APOA2: variants seen among roughly 807,000 people sequenced by gnomAD.
APOA2 encodes the protein apolipoprotein A2.
APOA2 carries 3 observed loss-of-function variants against 7.4 expected under a neutral mutation model. That is an observed-to-expected ratio of 0.41 (90% CI 0.18 to 1.05). The LOEUF is 1.05. Among genes scored for constraint, APOA2 ranks in the 50% least tolerant of loss-of-function variants. The probability of loss-of-function intolerance (pLI) is 0.33; values close to 1 mark genes in which losing one functional copy is unlikely to be tolerated. For missense variants in APOA2, 90 were observed against 116.3 expected (o/e 0.77, Z 1.04); for synonymous variants, 42 against 47.8 (o/e 0.88, Z 0.50).
intron 1 of APOA2, 76 bp downstream of exon 1, chr1:161,223,519 C>T (rs753018591): frequency 9.8e-7 from 1 of 1,023,736 alleles, no homozygotes; most frequent in Non-Finnish European, 1.5e-6. Context: ...CCATTCCAAC[C>T]TGGCTCTCTC....
At chr1:161,222,806 C>G in intron 3 of APOA2, 112 bp downstream of exon 3, 1 of 1,497,828 alleles carries the variant, frequency 6.7e-7, no homozygotes, top group South Asian at 1.1e-5. Context: ...GCAATTTAAG[C>G]CTAATCTGCC....
At position 161,222,826 on chromosome 1, in the gene APOA2, ACC is replaced by A. The variant is rs776710281; in HGVS notation, c.185+90_185+91del. ...TTAAGCCTAATCTGCCCTAATCCCC[ACC>A]CCTGGGTTCAGACTTCTGTGGGACC... On this transcript the variant is annotated intron_variant, in intron 3 of 3. Transcript: ENST00000367990. The A allele has an allele frequency of 4.5e-4, 726 of 1,595,760 alleles. 1 individual carries two copies. Among genetic ancestry groups the A allele is most frequent in the Non-Finnish European group, 5.9e-4 (684 of 1,164,656 alleles).
In APOA2 at chr1:161,223,412, G is replaced by A; in HGVS notation, c.-11C>T. 1 of 1,612,804 alleles carries A rather than the reference G, an allele frequency of 6.2e-7. No individual in the cohort carries two copies. Among genetic ancestry groups the A allele is most frequent in the Non-Finnish European group, 8.5e-7 (1 of 1,179,442 alleles). ...TGCGAGCAGCTTCATGTTGGTAACA[G>A]TGGGGAGGGCGGCCTAGGAAGAGGG... On this transcript the variant is annotated 5_prime_UTR_variant, in exon 2 of 4. Transcript: ENST00000367990.
chr1:161,222,633 G>A (rs1666189679), intron 3 of APOA2, 111 bp from the exon 4 acceptor site: 3 of 1,052,428 alleles, frequency 2.9e-6, no homozygotes, highest in South Asian at 2.6e-5. Flanking sequence ...AAACTCTAGT[G>A]CCTGGTCCAT....
chr1:161,222,828 C>T, intron 3 of APOA2, 90 bp downstream of exon 3: 1 of 1,598,888 alleles, frequency 6.3e-7, no homozygotes, highest in East Asian at 2.2e-5. Flanking sequence ...TAATCCCCAC[C>T]CCTGGGTTCA....
At chr1:161,222,614 C>G in intron 3 of APOA2, 92 bp from the exon 4 acceptor site, 2 of 1,189,150 alleles carry the variant, frequency 1.7e-6, no homozygotes. Flanking sequence ...CAGACTGACT[C>G]AGGTCCCCAA....
At chr1:161,223,500 A>T in intron 1 of APOA2, 75 bp from the exon 2 acceptor site, 1 of 1,251,516 alleles carries the variant, frequency 8.0e-7, no homozygotes, top group Non-Finnish European at 1.1e-6. Flanking sequence ...GGATCTCCCT[A>T]CCTGCTGCCC....
In APOA2 at chr1:161,222,492, C is replaced by T. The variant is rs768425737; in HGVS notation, c.216G>A (p.Leu72=). The change falls in exon 4 of 4, where the codon CTG becomes CTA. Residue 72 remains leucine (L), a synonymous_variant. Coordinates refer to ENST00000367990, the MANE Select transcript of APOA2 (RefSeq NM_001643.2). ...TTCCAGCCTTCTTGATCAGGGGTGT[C>T]AGCTGCTCCTTTGACTTTTCAAAGT... ...KSYFEKSKEQ[L]TPLIKKAGTE... 2.5e-6 allele frequency: 4 copies of T among 1,614,086 alleles called. No homozygotes were observed. In the African/African-American group the frequency reaches 4.0e-5, roughly 16 times the overall value.
Position 161,222,613 on chromosome 1 carries a change from T to G in APOA2, c.186-91A>C, listed in dbSNP as rs1244080657. 2.5e-6 allele frequency: 3 copies of G among 1,193,606 alleles called. No individual in the cohort carries two copies. In the Admixed American group the frequency reaches 5.1e-5, roughly 20 times the overall value. 73.9% of individuals were successfully genotyped at this position (1,193,606 alleles called of 1,614,324 possible). Reference sequence around the variant, plus strand: ...TGGTGGGAGGTCAGAGCAGACTGACTCAGGTCCCCAAACTCTAGTGCCTGG... The same window carrying G: ...TGGTGGGAGGTCAGAGCAGACTGACGCAGGTCCCCAAACTCTAGTGCCTGG... On this transcript the variant is annotated intron_variant, in intron 3 of 3. Coordinates refer to ENST00000367990, the MANE Select transcript of APOA2 (RefSeq NM_001643.2).
chr1:161,223,086 CA>C, intron 2 of APOA2, 36 bp from the exon 3 acceptor site: 1 of 1,395,524 alleles, frequency 7.2e-7, no homozygotes, highest in Non-Finnish European at 9.9e-7. Flanking sequence ...CACACACACA[CA>C]CACACACTCT....
chr1:161,223,510 C>T, intron 1 of APOA2, 85 bp from the exon 2 acceptor site: 2 of 1,122,026 alleles, frequency 1.8e-6, no homozygotes, highest in South Asian at 2.6e-5. Flanking sequence ...ACCTGCTGCC[C>T]ATTCCAACCT....
At position 161,222,968 on chromosome 1, in the gene APOA2, G is replaced by T; in HGVS notation, c.135C>A (p.Gly45=). The change falls in exon 3 of 4, where the codon GGC becomes GGA. Residue 45 remains glycine, a synonymous_variant. Transcript: ENST00000367990. ...SQYFQTVTDY[G]KDLMEKVKSP... is the part of the protein sequence containing the mutation. ...TCTTGACCTTCTCCATCAGGTCCTT[G>T]CCATAGTCAGTCACGGTCTGGAAGT... 6.2e-7 allele frequency: 1 copy of T among 1,613,976 alleles called. No individual in the cohort carries two copies. The highest frequency in any genetic ancestry group is 8.5e-7 in the Non-Finnish European group (1 of 1,180,016).
At chr1:161,222,797 C>T in intron 3 of APOA2, 121 bp downstream of exon 3, 1 of 1,435,442 alleles carries the variant, frequency 7.0e-7, no homozygotes, top group East Asian at 2.3e-5. Flanking sequence ...TTTTTCTCTG[C>T]AATTTAAGCC....
In APOA2 at chr1:161,222,516, G is replaced by A; in HGVS notation, c.192C>T (p.Tyr64=). The A allele has an allele frequency of 6.2e-7, 1 of 1,613,802 alleles. No homozygotes were observed. The highest frequency in any genetic ancestry group is 8.5e-7 in the Non-Finnish European group (1 of 1,179,654). The part of the protein sequence containing the change: ...SPELQAEAKS[Y]FEKSKEQLTP... ...TCAGCTGCTCCTTTGACTTTTCAAA[G>A]TAAGACCTGGATAGGTGAGGGGATT... Residue 64 remains tyrosine, a synonymous_variant, in exon 4 of 4, where the codon TAC becomes TAT. Transcript: ENST00000367990.
intron 1 of APOA2, 77 bp downstream of exon 1, chr1:161,223,518 C>T (rs765990130): frequency 1.9e-6 from 2 of 1,041,042 alleles, no homozygotes; most frequent in East Asian, 2.6e-5. Flanking sequence ...CCCATTCCAA[C>T]CTGGCTCTCT....
At position 161,223,057 on chromosome 1, in the gene APOA2, A is replaced by C. The variant is rs772388782; in HGVS notation, c.53-7T>G. 38 of 37,900 alleles carry C rather than the reference A, an allele frequency of 1.0e-3. No individual in the cohort carries two copies. The highest frequency in any genetic ancestry group is 1.4e-3 in the Non-Finnish European group (35 of 24,622). 2.3% of individuals were successfully genotyped at this position (37,900 alleles called of 1,614,324 possible). On this transcript the variant is annotated splice_region_variant and splice_polypyrimidine_tract_variant and intron_variant, in intron 2 of 3. Transcript: ENST00000367990. ...TGTCTCCGAACCAAAGCTCCTGCCC[A>C]CACACACACACACACACACACACAC...
At chr1:161,223,525 C>G (rs1221055868) in intron 1 of APOA2, 70 bp downstream of exon 1, 1 of 942,288 alleles carries the variant, frequency 1.1e-6, no homozygotes, top group Non-Finnish European at 1.7e-6. Context: ...CAACCTGGCT[C>G]TCTCCCTCTC....
At position 161,222,513 on chromosome 1, in the gene APOA2, AAAGT is replaced by A; in HGVS notation, c.191_194del (p.Tyr64LeufsTer8). ...GTGTCAGCTGCTCCTTTGACTTTTC[AAAGT>A]AAGACCTGGATAGGTGAGGGGATTA... is the stretch of plus-strand genomic sequence containing the variant. On this transcript the variant is annotated frameshift_variant, in exon 4 of 4. Coordinates refer to ENST00000367990, the MANE Select transcript of APOA2 (RefSeq NM_001643.2). LOFTEE classifies it low-confidence loss of function (END_TRUNC). 1 of 1,613,996 alleles carries A rather than the reference AAAGT, an allele frequency of 6.2e-7. No homozygotes were observed.
chr1:161,223,236 A>T, intron 2 of APOA2, 114 bp downstream of exon 2: 1 of 1,560,666 alleles, frequency 6.4e-7, no homozygotes, highest in Non-Finnish European at 8.7e-7. Context: ...AGAGGGAATG[A>T]TCTTCCTTTT....
Sources: gnomAD v4.1 joint callset for allele counts on GRCh38, gnomAD v4.1.1 for gene constraint, MANE v1.5 for transcripts, NCBI Gene and HGNC (gene_info 2026-07-23, HGNC 2026-07-21) for gene names.